The following MEIS2 variants were observed in gnomAD, a reference collection of about 807,000 sequenced individuals.
MEIS2 encodes the protein Meis homeobox 2.
Under a neutral mutation model 58.6 loss-of-function variants are expected in MEIS2, and 9 were observed. The observed-to-expected ratio is 0.15, with a 90% CI of 0.09 to 0.27. MEIS2 has a LOEUF of 0.27. MEIS2 is among the 10% of genes least tolerant of loss of function. The pLI, the probability that MEIS2 is intolerant of heterozygous loss-of-function variation, is 1.00. For synonymous variants in MEIS2, 221 were observed against 228.4 expected, an observed-to-expected ratio of 0.97 and a Z score of 0.29; for missense variants, 427 against 635.0, an observed-to-expected ratio of 0.67 and a Z score of 3.52.
intron 9 of MEIS2, among the ~76,000 whole-genome samples, chr15:36,925,793 C>G (rs964372534): frequency 6.6e-6 from 1 of 152,166 alleles, no homozygotes; most frequent in Non-Finnish European, 1.5e-5. Context: ...GTGCTGTGAG[C>G]TTGGGTCACA....
At chr15:37,041,077 G>A (rs2062403521) in intron 7 of MEIS2, among the ~76,000 whole-genome samples, 1 of 152,186 alleles carries the variant, frequency 6.6e-6, no homozygotes, top group African/African-American at 2.4e-5. Flanking sequence ...TCTGGCCTGG[G>A]CCTTATTCAC....
At chr15:36,983,768 A>G (rs1231402265) in intron 8 of MEIS2, among the ~76,000 whole-genome samples, 1 of 152,144 alleles carries the variant, frequency 6.6e-6, no homozygotes, top group Non-Finnish European at 1.5e-5. Context: ...AATACTTCCA[A>G]TCCATGAACA....
intron 8 of MEIS2, among the ~76,000 whole-genome samples, chr15:37,031,805 T>G (rs879408382): frequency 7.0e-6 from 1 of 143,552 alleles, no homozygotes; most frequent in African/African-American, 2.6e-5. Flanking sequence ...ATACATAATA[T>G]TACATCACTT....
At chr15:37,041,331 G>T (rs1411098623) in intron 7 of MEIS2, among the ~76,000 whole-genome samples, 1 of 152,190 alleles carries the variant, frequency 6.6e-6, no homozygotes, top group Non-Finnish European at 1.5e-5. Context: ...CTGCCATAAA[G>T]CACAGAGAAC....
chr15:36,947,109 C>T (rs765988485), intron 9 of MEIS2, among the ~76,000 whole-genome samples: 2 of 151,982 alleles, frequency 1.3e-5, no homozygotes, highest in East Asian at 1.9e-4. Context: ...GAGGTGCACA[C>T]ATTGAAGATC....
intron 1 of MEIS2, chr15:37,098,979 T>A (rs1321184321): frequency 1.0e-6 from 1 of 984,584 alleles, no homozygotes; most frequent in East Asian, 1.1e-4. Flanking sequence ...GCTAGTAGTC[T>A]AGGCGGCGGC....
chr15:36,957,229 GT>G (rs1371641039), intron 8 of MEIS2, among the ~76,000 whole-genome samples: 1 of 152,060 alleles, frequency 6.6e-6, no homozygotes, highest in Non-Finnish European at 1.5e-5. Context: ...ATTTTAGCAT[GT>G]TTTTTGTGTA....
At chr15:37,040,650 T>G (rs2062384555) in intron 7 of MEIS2, among the ~76,000 whole-genome samples, 1 of 152,228 alleles carries the variant, frequency 6.6e-6, no homozygotes, top group Non-Finnish European at 1.5e-5. Flanking sequence ...TTTGAAAGGT[T>G]GCTAATCCCT....
At chr15:37,033,959 A>G (rs2062039029) in intron 8 of MEIS2, among the ~76,000 whole-genome samples, 1 of 152,182 alleles carries the variant, frequency 6.6e-6, no homozygotes, top group Non-Finnish European at 1.5e-5. Context: ...GAGCAAGCAG[A>G]GGAGAATTTC....
chr15:37,086,170 A>G (rs1184271671), intron 6 of MEIS2, among the ~76,000 whole-genome samples: 4 of 152,230 alleles, frequency 2.6e-5, no homozygotes, highest in Non-Finnish European at 5.9e-5. Flanking sequence ...ATAATAATTA[A>G]CCACTAACAC....
chr15:36,976,166 C>G (rs552293057), intron 8 of MEIS2, among the ~76,000 whole-genome samples: 9 of 152,130 alleles, frequency 5.9e-5, no homozygotes, highest in East Asian at 5.8e-4. Context: ...CTCCCTGCAA[C>G]CTCCGCCTCT....
chr15:36,930,203 A>T (rs1233720732), intron 9 of MEIS2, among the ~76,000 whole-genome samples: 4 of 78,324 alleles, frequency 5.1e-5, no homozygotes, highest in Non-Finnish European at 9.3e-5. Context: ...ACTCAGTCTT[A>T]AAAAAAAAAA....
Position 36,959,365 on chromosome 15 carries a change from G to C in MEIS2, c.901-8965C>G, listed in dbSNP as rs145613766. ...CACACTGCATTACAAATGCTTGCCTGTTTGTCTGTCTTCCCTATTAGACCA... is the reference window on the plus strand; with the variant it reads ...CACACTGCATTACAAATGCTTGCCTCTTTGTCTGTCTTCCCTATTAGACCA... On this transcript the variant is annotated intron_variant, in intron 8 of 11. Transcript: ENST00000561208. Among the ~76,000 whole-genome samples, 584 of 152,206 alleles carry C rather than the reference G, an allele frequency of 3.8e-3. 2 individuals carry two copies. Among genetic ancestry groups the C allele is most frequent in the African/African-American group, 0.012 (481 of 41,530 alleles).
intron 7 of MEIS2, among the ~76,000 whole-genome samples, chr15:37,050,007 A>G (rs2062847547): frequency 6.6e-6 from 1 of 152,190 alleles, no homozygotes; most frequent in African/African-American, 2.4e-5. Context: ...TGCTGCTTAT[A>G]TTACAAAGAT....
intron 7 of MEIS2, among the ~76,000 whole-genome samples, chr15:37,070,349 C>A (rs1253479189): frequency 2.0e-5 from 3 of 152,176 alleles, no homozygotes; most frequent in Non-Finnish European, 4.4e-5. Flanking sequence ...CAAAATTAAA[C>A]TCTATCCAAA....
intron 7 of MEIS2, among the ~76,000 whole-genome samples, chr15:37,075,532 C>T (rs529433234): frequency 6.6e-6 from 1 of 151,932 alleles, no homozygotes; most frequent in South Asian, 2.1e-4. Flanking sequence ...CATCAGTGAA[C>T]CAATACACAC....
rs10152841 is a variant in MEIS2 at position 37,096,036 on chromosome 15, G to T, written c.387+253C>A. The T allele has an allele frequency of 3.0e-3, 1,447 of 481,398 alleles. 18 individuals are homozygous for T. Among genetic ancestry groups the T allele is most frequent in the African/African-American group, 0.026 (1,356 of 52,058 alleles). The allele number at this position is 481,398 out of a possible 1,614,324, so 29.8% of individuals were successfully genotyped here. Reference sequence around the variant, plus strand: ...GGCGGGGGAAAAAGGCCAAGCCCCAGATTAGGAGCAGGTCAACTTTAATTC... The same window carrying T: ...GGCGGGGGAAAAAGGCCAAGCCCCATATTAGGAGCAGGTCAACTTTAATTC... On this transcript the variant is annotated intron_variant, in intron 3 of 11. Coordinates refer to ENST00000561208, the MANE Select transcript of MEIS2 (RefSeq NM_170675.5).
intron 3 of MEIS2, 71 bp downstream of exon 3, chr15:37,096,218 A>C: frequency 4.8e-6 from 7 of 1,460,110 alleles, no homozygotes; most frequent in Non-Finnish European, 6.4e-6. Context: ...CCTCCTTTCA[A>C]GTAAAGCTCC....
At chr15:36,937,633 C>T (rs1370114815) in intron 9 of MEIS2, among the ~76,000 whole-genome samples, 2 of 152,180 alleles carry the variant, frequency 1.3e-5, no homozygotes, top group Non-Finnish European at 2.9e-5. Context: ...AAGCAAATTA[C>T]TTTAGAGTGG....
Sources: allele counts gnomAD v4.1 joint callset (sites outside exome capture counted in the v4.1 genomes callset), GRCh38; gene constraint gnomAD v4.1.1; transcripts MANE v1.5; gene names NCBI Gene and HGNC (gene_info 2026-07-23, HGNC 2026-07-21).